Variants in TAF3 observed in about 807,000 individuals in gnomAD.
TAF3 encodes TATA-box binding protein associated factor 3, also known as transcription initiation factor TFIID subunit 3.
A neutral mutation model predicts 80.6 loss-of-function variants in TAF3; 7 were observed. The ratio of observed to expected loss-of-function variants is 0.09; its 90% CI spans 0.05 to 0.16. The LOEUF is 0.16. TAF3 is among the 10% of genes least tolerant of loss of function. The pLI, the probability that TAF3 is intolerant of heterozygous loss-of-function variation, is 1.00. For synonymous variants in TAF3, 444 were observed against 446.1 expected, an observed-to-expected ratio of 1.00 and a Z score of 0.06; for missense variants, 921 against 1,140.2, an observed-to-expected ratio of 0.81 and a Z score of 2.77.
At chr10:7,911,990 G>A (rs1022101389) in intron 2 of TAF3, among the ~76,000 whole-genome samples, 1 of 152,090 alleles carries the variant, frequency 6.6e-6, no homozygotes, top group Middle Eastern at 3.2e-3. Flanking sequence ...CGAGTCATAT[G>A]CACTTTCGGA....
intron 2 of TAF3, among the ~76,000 whole-genome samples, chr10:7,868,858 G>T (rs1342898917): frequency 6.6e-6 from 1 of 152,098 alleles, no homozygotes; most frequent in East Asian, 1.9e-4. Context: ...TTTTTCAGAT[G>T]AAAAACATAC....
intron 2 of TAF3, among the ~76,000 whole-genome samples, chr10:7,864,818 TTA>T (rs1268932561): frequency 2.2e-5 from 2 of 90,136 alleles, no homozygotes; most frequent in African/African-American, 6.8e-5. Flanking sequence ...GAAATATAGT[TTA>T]TCTTTTTTTT....
Position 7,965,561 on chromosome 10 carries a change from T to G in TAF3, c.2051T>G (p.Val684Gly), listed in dbSNP as rs1289966627. The change falls in exon 3 of 7, where the codon GTG becomes GGG. Residue 684 changes from valine to glycine, a missense_variant. Around this residue, in one of 6 missense-constraint regions of TAF3, gnomAD observed 743 missense variants for 821.0 expected, o/e 0.90. Coordinates refer to ENST00000344293, the MANE Select transcript of TAF3 (RefSeq NM_031923.4). ...VPAMLPSLLP[V>G]LPEKLFEEKE... ...GCCATGCTGCCATCTTTGTTGCCAG[T>G]GCTTCCGGAAAAACTGTTTGAGGAG... 6.3e-7 allele frequency: 1 copy of G among 1,599,632 alleles called. No individual in the cohort carries two copies. The highest frequency in any genetic ancestry group is 8.5e-7 in the Non-Finnish European group (1 of 1,176,662).
chr10:7,940,238 T>G (rs780178176), intron 2 of TAF3, among the ~76,000 whole-genome samples: 16 of 152,210 alleles, frequency 1.1e-4, no homozygotes, highest in Non-Finnish European at 2.1e-4. Flanking sequence ...TAGGGACATT[T>G]TAGACATGTG....
chr10:7,919,387 G>A (rs1837741935), intron 2 of TAF3, among the ~76,000 whole-genome samples: 1 of 152,180 alleles, frequency 6.6e-6, no homozygotes, highest in Non-Finnish European at 1.5e-5. Flanking sequence ...ATCTTGCAGG[G>A]TGTACTGTCC....
At chr10:7,956,648 G>A (rs1021820426) in intron 2 of TAF3, among the ~76,000 whole-genome samples, 3 of 152,172 alleles carry the variant, frequency 2.0e-5, no homozygotes, top group African/African-American at 7.2e-5. Flanking sequence ...GTCTAAAAGT[G>A]AATCTCTAGC....
intron 2 of TAF3, among the ~76,000 whole-genome samples, chr10:7,927,147 GT>G (rs1400723069): frequency 1.3e-5 from 2 of 152,142 alleles, no homozygotes; most frequent in African/African-American, 4.8e-5. Flanking sequence ...CACTTTCTGA[GT>G]TAATGTTATA....
chr10:7,917,101 A>T (rs1387041086), intron 2 of TAF3, among the ~76,000 whole-genome samples: 1 of 152,250 alleles, frequency 6.6e-6, no homozygotes, highest in Non-Finnish European at 1.5e-5. Context: ...GACATGGCAG[A>T]TATTCCAGTG....
rs564853519 is a variant in TAF3, at chr10:7,859,784, T to C, written c.409+35224T>C. On this transcript the variant is annotated intron_variant, in intron 2 of 6. Coordinates refer to ENST00000344293, the MANE Select transcript of TAF3 (RefSeq NM_031923.4). ...AGATATTTTTGTCAATTTTATTCACTGTTTCATTCCTAGCACTTATAATGG... is the reference window on the plus strand; with the variant it reads ...AGATATTTTTGTCAATTTTATTCACCGTTTCATTCCTAGCACTTATAATGG... Among the ~76,000 whole-genome samples, 4 of 152,344 alleles carry C rather than the reference T, an allele frequency of 2.6e-5. No individual in the cohort carries two copies. In the East Asian group the frequency reaches 5.8e-4, roughly 22 times the overall value.
At chr10:7,926,594 A>C (rs1837817245) in intron 2 of TAF3, among the ~76,000 whole-genome samples, 1 of 152,170 alleles carries the variant, frequency 6.6e-6, no homozygotes, top group Non-Finnish European at 1.5e-5. Context: ...TCTGTTATGG[A>C]GGTTCAGCAT....
At chr10:8,008,032 A>G (rs553893799) in intron 4 of TAF3, among the ~76,000 whole-genome samples, 1 of 150,930 alleles carries the variant, frequency 6.6e-6, no homozygotes, top group South Asian at 2.1e-4. Flanking sequence ...CAGCATCACC[A>G]GGACAGAAGC....
rs543321317 is a variant in TAF3, at chr10:7,818,551, G to T, written c.-159G>T. The T allele has an allele frequency of 4.0e-4, 278 of 695,416 alleles. 1 individual carries two copies. The highest frequency in any genetic ancestry group is 3.0e-3 in the South Asian group (120 of 40,216). The allele number at this position is 695,416 out of a possible 1,614,324, so 43.1% of individuals were successfully genotyped here. On this transcript the variant is annotated 5_prime_UTR_variant, in exon 1 of 7. Coordinates refer to ENST00000344293, the MANE Select transcript of TAF3 (RefSeq NM_031923.4). ...AAAATGGCGGCTCTCAGGCTGGCGC[G>T]CTCCGTGCTGCTGGGGCTTTGAGGT...
At chr10:7,996,839 T>A (rs919966764) in intron 4 of TAF3, among the ~76,000 whole-genome samples, 1 of 113,182 alleles carries the variant, frequency 8.8e-6, no homozygotes, top group Non-Finnish European at 1.9e-5. Flanking sequence ...ACCACCACAC[T>A]CTATTTTTTT....
At chr10:7,892,861 A>G (rs538503022) in intron 2 of TAF3, among the ~76,000 whole-genome samples, 44 of 142,048 alleles carry the variant, frequency 3.1e-4, no homozygotes, top group African/African-American at 1.1e-3. Flanking sequence ...CTTGTAGCCC[A>G]GGCTGGAGTG....
At chr10:8,002,324 C>T (rs1051275501) in intron 4 of TAF3, among the ~76,000 whole-genome samples, 8 of 152,098 alleles carry the variant, frequency 5.3e-5, no homozygotes, top group African/African-American at 1.7e-4. Flanking sequence ...TATCCCGTCG[C>T]ACATCGTAAA....
intron 2 of TAF3, among the ~76,000 whole-genome samples, chr10:7,855,496 G>C (rs1475567861): frequency 1.3e-5 from 2 of 152,168 alleles, no homozygotes; most frequent in Non-Finnish European, 2.9e-5. Context: ...TTCATCCTTT[G>C]GGGAGGAGAT....
At chr10:7,830,076 G>T (rs1157159513) in intron 2 of TAF3, among the ~76,000 whole-genome samples, 1 of 151,938 alleles carries the variant, frequency 6.6e-6, no homozygotes, top group African/African-American at 2.4e-5. Flanking sequence ...TGGCAGATGG[G>T]GCTCCTCTGC....
chr10:8,007,523 A>T (rs1298524110), intron 4 of TAF3, among the ~76,000 whole-genome samples: 2 of 139,792 alleles, frequency 1.4e-5, no homozygotes, highest in East Asian at 4.2e-4. Flanking sequence ...TCTGATTATT[A>T]CCTAACTGTC....
chr10:8,006,550 T>G (rs555742921), intron 4 of TAF3, among the ~76,000 whole-genome samples: 48 of 152,364 alleles, frequency 3.2e-4, no homozygotes, highest in African/African-American at 1.1e-3. Flanking sequence ...AACAAGCCTG[T>G]GCTAAAGTCT....
Sources: gnomAD v4.1 joint callset for allele counts (sites outside exome capture counted in the v4.1 genomes callset) on GRCh38, gnomAD v4.1.1 for gene constraint, gnomAD v4.1.1 regional missense constraint, MANE v1.5 for transcripts, NCBI Gene and HGNC (gene_info 2026-07-23, HGNC 2026-07-21) for gene names.